SLC49A3: variants seen among roughly 807,000 people sequenced by gnomAD.
The protein encoded by SLC49A3 is solute carrier family 49 member 3.
In SLC49A3, 50 loss-of-function variants were observed where a neutral mutation model predicts 43.8. That is an observed-to-expected ratio of 1.14 (90% CI 0.91 to 1.45). SLC49A3 has a LOEUF of 1.45. SLC49A3 is among the 40% of genes most tolerant of loss of function. The pLI is 0.00. For missense variants in SLC49A3, 906 were observed against 774.1 expected (o/e 1.17, Z -2.02); for synonymous variants, 413 against 352.0 (o/e 1.17, Z -1.94).
At chr4:682,454 G>C in intron 9 of SLC49A3, 78 bp from the exon 10 acceptor site, 2 of 1,274,966 alleles carry the variant, frequency 1.6e-6, no homozygotes, top group Non-Finnish European at 2.0e-6. Context: ...CTGGCCTATG[G>C]TGACCCCACT....
downstream of SLC49A3, chr4:677,000 C>T (rs1351729231): frequency 7.9e-6 from 7 of 881,306 alleles, no homozygotes; most frequent in Non-Finnish European, 9.5e-6. Flanking sequence ...AAGAGACATG[C>T]AAGTGGCACC....
chr4:681,361 G>C (rs1466462081), downstream of SLC49A3, among the ~76,000 whole-genome samples: 1 of 152,032 alleles, frequency 6.6e-6, no homozygotes, highest in Non-Finnish European at 1.5e-5. Flanking sequence ...TAGATCAGCG[G>C]CTGGAGACCC....
downstream of SLC49A3, chr4:681,172 G>T: frequency 6.3e-7 from 1 of 1,593,140 alleles, no homozygotes; most frequent in East Asian, 2.3e-5. Flanking sequence ...CCAAGCCCAC[G>T]AGGGGAGGGC....
At chr4:684,892 A>AGACTG in intron 4 of SLC49A3, 36 bp from the exon 5 acceptor site, 1 of 1,598,264 alleles carries the variant, frequency 6.3e-7, no homozygotes, top group Non-Finnish European at 8.5e-7. Flanking sequence ...GAGACCACGC[A>AGACTG]GACTGGCACC....
chr4:686,705 C>A lies in SLC49A3; in HGVS notation c.136-15G>T. On this transcript the variant is annotated splice_polypyrimidine_tract_variant and intron_variant, in intron 1 of 9. Transcript: ENST00000322224. Reference sequence around the variant, plus strand: ...CTGAGCCACAGCTGCAGGGGTCAGGCGGGAGTCAGCGCAGGGCCACAGACC... The same window carrying A: ...CTGAGCCACAGCTGCAGGGGTCAGGAGGGAGTCAGCGCAGGGCCACAGACC... The A allele has an allele frequency of 1.2e-6, 2 of 1,609,118 alleles. No homozygotes were observed. Among genetic ancestry groups the A allele is most frequent in the Admixed American group, 3.3e-5 (2 of 59,854 alleles).
At chr4:681,178 AG>A, downstream of SLC49A3, 1 of 1,587,332 alleles carries the variant, frequency 6.3e-7, no homozygotes, top group Non-Finnish European at 8.6e-7. Flanking sequence ...CCACGAGGGG[AG>A]GGCGGGGCTC....
chr4:678,437 C>T (rs1220005331), downstream of SLC49A3: 25 of 1,425,554 alleles, frequency 1.8e-5, no homozygotes, highest in Middle Eastern at 2.6e-4. Context: ...GCCACTGTCC[C>T]TCCCCCAGTC....
In SLC49A3 at chr4:688,993, C is replaced by T. The variant is rs1481400920; in HGVS notation, c.135G>A (p.Thr45=). The T allele has an allele frequency of 4.4e-6, 7 of 1,592,254 alleles. No individual in the cohort carries two copies. The highest frequency in any genetic ancestry group is 2.4e-5 in the East Asian group (1 of 41,470). The stretch of plus-strand genomic sequence containing the variant: ...CACCTGTCCCCGCCCCTGCCCCTAC[C>T]GTGGCGTTGGAGCAGTTGAGCAGGC... ...AISLLNCSNA[T]LWLSFAPVAD... is the part of the protein sequence containing the mutation. The change falls in exon 1 of 10, where the codon ACG becomes ACA. Residue 45 remains threonine, a splice_region_variant and synonymous_variant. Transcript: ENST00000322224.
Position 685,879 on chromosome 4 carries a change from G to A in SLC49A3, c.541C>T (p.Leu181=). Residue 181 remains leucine, a synonymous_variant, in exon 4 of 10, where the codon CTG becomes TTG. Coordinates refer to ENST00000322224, the MANE Select transcript of SLC49A3 (RefSeq NM_032219.4). The surrounding 1 kb of genome is among the most constrained non-coding windows in gnomAD (Gnocchi z 4.3). ...CCCTTCTTGACCAGCACAGGGGACA[G>A]CACATTGGCCACAAGGACGCCCAGA... ...NPLGVLVANV[L]SPVLVKKGED... 1 of 1,613,988 alleles carries A rather than the reference G, an allele frequency of 6.2e-7. No homozygotes were observed. Among genetic ancestry groups the A allele is most frequent in the Non-Finnish European group, 8.5e-7 (1 of 1,180,014 alleles).
At chr4:686,805 A>G (rs534890088) in intron 1 of SLC49A3, 115 bp from the exon 2 acceptor site, 8 of 1,351,178 alleles carry the variant, frequency 5.9e-6, no homozygotes, top group Admixed American at 4.6e-5. Flanking sequence ...CCGAGGGGAC[A>G]CAGCGAGCTG....
intron 6 of SLC49A3, among the ~76,000 whole-genome samples, chr4:684,175 C>T (rs1467365582): frequency 6.6e-6 from 1 of 152,260 alleles, no homozygotes; most frequent in African/African-American, 2.4e-5. Flanking sequence ...TGCAGACCCA[C>T]AGGGGCGGGG....
chr4:685,793 C>A lies in SLC49A3; in HGVS notation c.585+42G>T, dbSNP rs770223286. On this transcript the variant is annotated intron_variant, in intron 4 of 9. Coordinates refer to ENST00000322224, the MANE Select transcript of SLC49A3 (RefSeq NM_032219.4). This position sits in a 1 kb window ranked among gnomAD's most constrained non-coding sequence, Gnocchi z 4.3. The stretch of plus-strand genomic sequence containing the variant: ...AGGAACACACAGACGTGCATGCGCA[C>A]ACACCACACAGACCAGGCACGGGCG... The A allele has an allele frequency of 8.1e-6, 13 of 1,604,034 alleles. No homozygotes were observed. In the South Asian group the frequency reaches 1.3e-4, roughly 16 times the overall value.
chr4:685,789 C>G lies in SLC49A3; in HGVS notation c.585+46G>C. 1 of 1,592,124 alleles carries G rather than the reference C, an allele frequency of 6.3e-7. No homozygotes were observed. Among genetic ancestry groups the G allele is most frequent in the Non-Finnish European group, 8.6e-7 (1 of 1,160,704 alleles). On this transcript the variant is annotated intron_variant, in intron 4 of 9. Coordinates refer to ENST00000322224, the MANE Select transcript of SLC49A3 (RefSeq NM_032219.4). The surrounding 1 kb of genome is among the most constrained non-coding windows in gnomAD (Gnocchi z 4.3). ...GATCAGGAACACACAGACGTGCATGCGCACACACCACACAGACCAGGCACG... is the reference window on the plus strand; with the variant it reads ...GATCAGGAACACACAGACGTGCATGGGCACACACCACACAGACCAGGCACG...
chr4:683,260 A>C lies in SLC49A3; in HGVS notation c.1101T>G (p.Cys367Trp). The change falls in exon 8 of 10, where the codon TGT becomes TGG. Residue 367 changes from cysteine (C) to tryptophan (W), a missense_variant. Transcript: ENST00000322224. Reference sequence around the variant, plus strand: ...CAGCCCCCTCCCCCACGGGGAAGGAACACTCGACCGCCAACTCCATGGCCA... The same window carrying C: ...CAGCCCCCTCCCCCACGGGGAAGGACCACTCGACCGCCAACTCCATGGCCA... ...GPVAMELAVECSFPVGEGAAT... is the reference protein window; with the variant it reads ...GPVAMELAVEWSFPVGEGAAT... 1 of 1,612,684 alleles carries C rather than the reference A, an allele frequency of 6.2e-7. No homozygotes were observed. Among genetic ancestry groups the C allele is most frequent in the Non-Finnish European group, 8.5e-7 (1 of 1,179,872 alleles).
chr4:678,244 G>A (rs978291496), downstream of SLC49A3: 17 of 1,477,754 alleles, frequency 1.2e-5, no homozygotes, highest in East Asian at 7.5e-5. Context: ...TGGGAAGTAC[G>A]TGCCTCACGT....
chr4:683,145 A>C, intron 8 of SLC49A3, 65 bp downstream of exon 8: 1 of 1,586,308 alleles, frequency 6.3e-7, no homozygotes, highest in Non-Finnish European at 8.6e-7. Context: ...GTGCAACCCC[A>C]GGGGTGTAGG....
intron 6 of SLC49A3, 99 bp downstream of exon 6, chr4:684,384 C>T (rs1234957314): frequency 1.3e-5 from 20 of 1,523,614 alleles, no homozygotes; most frequent in Non-Finnish European, 1.8e-5. Context: ...GTGGCCCCCG[C>T]CAGGGTCGGA....
chr4:681,405 G>A (rs1179925302), downstream of SLC49A3, among the ~76,000 whole-genome samples: 1 of 152,014 alleles, frequency 6.6e-6, no homozygotes, highest in Non-Finnish European at 1.5e-5. Context: ...CAGCCGGAGG[G>A]GCGGGGCTCA....
chr4:681,931 G>C lies in SLC49A3; in HGVS notation c.*27C>G. 1 of 1,326,880 alleles carries C rather than the reference G, an allele frequency of 7.5e-7. No individual in the cohort carries two copies. The highest frequency in any genetic ancestry group is 2.5e-5 in the South Asian group (1 of 39,846). 82.2% of individuals were successfully genotyped at this position (1,326,880 alleles called of 1,614,324 possible). A position where few individuals can be genotyped will look rare whatever the true frequency, so the allele number is the denominator to read the frequency against. ...TCCAGTTCGCCTCCATCGATGTGGC[G>C]GGCAACCTGGACTACAAGGCGCTCA... On this transcript the variant is annotated 3_prime_UTR_variant, in exon 10 of 10. Coordinates refer to ENST00000322224, the MANE Select transcript of SLC49A3 (RefSeq NM_032219.4).
Sources: gnomAD v4.1 joint callset for allele counts (sites outside exome capture counted in the v4.1 genomes callset) on GRCh38, gnomAD v4.1.1 for gene constraint, Gnocchi (gnomAD v3.1) non-coding constraint, MANE v1.5 for transcripts, NCBI Gene and HGNC (gene_info 2026-07-23, HGNC 2026-07-21) for gene names.